The following MYO15B variants were observed in gnomAD, a reference collection of about 807,000 sequenced individuals.
The protein encoded by MYO15B is myosin XVB pseudogene.
Under a neutral mutation model 119.3 loss-of-function variants are expected in MYO15B, and 207 were observed. The observed-to-expected ratio is 1.73, with a 90% CI of 1.55 to 1.95. MYO15B has a LOEUF of 1.95. MYO15B is among the 30% of genes most tolerant of loss of function. MYO15B has a pLI of 0.00. For missense variants in MYO15B, 2,264 were observed against 1,203.1 expected, an observed-to-expected ratio of 1.88 and a Z score of -13.04; for synonymous variants, 966 against 498.9, an observed-to-expected ratio of 1.94 and a Z score of -12.48.
intron 53 of MYO15B, among the ~76,000 whole-genome samples, 159 bp from the exon 54 acceptor site, chr17:75,623,622 C>T (rs534505395): frequency 3.3e-5 from 5 of 152,282 alleles, no homozygotes; most frequent in African/African-American, 9.6e-5. Flanking sequence ...ACGGGAGCAG[C>T]GAAGAAAGTA....
At chr17:75,603,723 C>T (rs55663255) in intron 19 of MYO15B, among the ~76,000 whole-genome samples, 9,010 of 38,746 alleles carry the variant, frequency 0.23, 271 homozygotes, top group African/African-American at 0.27. Flanking sequence ...GCAGGAGGGG[C>T]GGGGAGGGGC....
intron 12 of MYO15B, among the ~76,000 whole-genome samples, chr17:75,595,242 A>C (rs900926197): frequency 6.6e-6 from 1 of 151,946 alleles, no homozygotes. Flanking sequence ...TCTCGCTTCC[A>C]CTCACCTCCA....
chr17:75,602,295 G>C, intron 15 of MYO15B: 1 of 671,632 alleles, frequency 1.5e-6, no homozygotes, highest in Non-Finnish European at 2.7e-6. Flanking sequence ...AAGCCCCAGT[G>C]GGGAGAGTGT....
chr17:75,625,241 G>A lies in MYO15B; in HGVS notation c.8804+3G>A. The stretch of plus-strand genomic sequence containing the variant: ...GCCAACAGGAATACCCCCTCAGGGT[G>A]AGTGGAGGCACCTCCCGCCCCTAAG... On this transcript the variant is annotated splice_donor_region_variant and intron_variant, in intron 60 of 63. Transcript: ENST00000645453. 1.4e-6 allele frequency: 1 copy of A among 697,334 alleles called. No individual in the cohort carries two copies. Among genetic ancestry groups the A allele is most frequent in the South Asian group, 1.5e-5 (1 of 67,072 alleles). The allele number at this position is 697,334 out of a possible 1,614,324, so 43.2% of individuals were successfully genotyped here.
chr17:75,607,712 C>T (rs1172716642), intron 21 of MYO15B, among the ~76,000 whole-genome samples: 4 of 152,128 alleles, frequency 2.6e-5, no homozygotes, highest in South Asian at 4.1e-4. Context: ...CCACCCGCCT[C>T]AGCCTCTCAA....
At chr17:75,612,936 G>A (rs1183445949) in intron 26 of MYO15B, 38 bp from the exon 27 acceptor site, 2 of 691,654 alleles carry the variant, frequency 2.9e-6, no homozygotes, top group Non-Finnish European at 5.3e-6. Flanking sequence ...GCGCCTGGGA[G>A]CCCCGCACGT....
chr17:75,589,821 G>T lies in MYO15B; in HGVS notation c.1764G>T (p.Gly588=). 1 of 398,564 alleles carries T rather than the reference G, an allele frequency of 2.5e-6. No individual in the cohort carries two copies. The highest frequency in any genetic ancestry group is 4.4e-6 in the Non-Finnish European group (1 of 225,982). 24.7% of individuals were successfully genotyped at this position (398,564 alleles called of 1,614,324 possible). ...CAGGGGTGGGGGGGCACAGTGAGGG[G>T]TGCAGGACGAGTGGGGAAGGGGTGT... Residue 588 remains glycine (G), a synonymous_variant, in exon 1 of 64, where the codon GGG becomes GGT. Transcript: ENST00000645453. The surrounding 1 kb of genome is among the most constrained non-coding windows in gnomAD (Gnocchi z 4.2).
At chr17:75,615,125 C>T (rs1311884661) in intron 33 of MYO15B, 83 bp downstream of exon 33, 9 of 678,294 alleles carry the variant, frequency 1.3e-5, no homozygotes, top group Middle Eastern at 2.4e-4. Flanking sequence ...CTGGCAGTGG[C>T]GATCGATGCC....
intron 47 of MYO15B, 23 bp downstream of exon 47, chr17:75,620,043 G>C (rs754059690): frequency 1.4e-6 from 1 of 691,836 alleles, no homozygotes; most frequent in African/African-American, 1.7e-5. Flanking sequence ...CACGGGTTGA[G>C]AGGCCGGGCA....
Position 75,616,544 on chromosome 17 carries a change from C to G in MYO15B, c.6265C>G (p.Pro2089Ala), listed in dbSNP as rs192928339. The change falls in exon 39 of 64, where the codon CCC becomes GCC. Residue 2089 changes from proline to alanine, a missense_variant. Physicochemically the swap from Pro to Ala is conservative, Grantham distance 27. Coordinates refer to ENST00000645453, the Ensembl canonical transcript of MYO15B. The stretch of plus-strand genomic sequence containing the variant: ...GTCAGTGCCGTCCCCTCCTCCTCCC[C>G]CCATCGTGAAGAAGCCATTGAAGCA... 1.8e-3 allele frequency: 1,280 copies of G among 702,804 alleles called. 17 individuals are homozygous for G. The East Asian group carries it at 0.025, about 14-fold the overall frequency. The allele number at this position is 702,804 out of a possible 1,614,324, so 43.5% of individuals were successfully genotyped here. A position where few individuals can be genotyped will look rare whatever the true frequency, so the allele number is the denominator to read the frequency against.
At chr17:75,617,117 G>A (rs550601951) in exon 41 of MYO15B, 44 of 677,068 alleles carry the variant, frequency 6.5e-5, no homozygotes, top group Admixed American at 2.1e-4. Context: ...AGGGCCCCCC[G>A]CCAGCTGTGG....
intron 23 of MYO15B, 114 bp downstream of exon 23, chr17:75,611,073 A>C (rs946393411): frequency 2.9e-6 from 2 of 685,842 alleles, no homozygotes; most frequent in Non-Finnish European, 5.4e-6. Flanking sequence ...AGGGCCATGC[A>C]TTGCACCTCC....
intron 1 of MYO15B, 76 bp from the exon 2 acceptor site, chr17:75,590,550 T>C: frequency 6.3e-6 from 2 of 316,784 alleles, no homozygotes; most frequent in Non-Finnish European, 1.1e-5. Flanking sequence ...CCAGGGTCCC[T>C]GCAGTGGGTG....
chr17:75,605,029 C>T (rs947570000), intron 19 of MYO15B, among the ~76,000 whole-genome samples: 3 of 151,742 alleles, frequency 2.0e-5, no homozygotes, highest in African/African-American at 4.8e-5. Flanking sequence ...CCCAGCTACT[C>T]GGGAGGCTGA....
At chr17:75,595,967 C>G (rs1186036196) in intron 12 of MYO15B, among the ~76,000 whole-genome samples, 1 of 152,200 alleles carries the variant, frequency 6.6e-6, no homozygotes, top group African/African-American at 2.4e-5. Context: ...CCGTGCCCTC[C>G]CTGAGGCTGG....
chr17:75,591,093 C>T (rs914325679), intron 3 of MYO15B, 77 bp downstream of exon 3: 5 of 696,798 alleles, frequency 7.2e-6, no homozygotes, highest in Admixed American at 6.0e-5. Context: ...TGACTGAGGT[C>T]CCGGGGCCTG....
exon 1 of MYO15B, chr17:75,588,011 G>A (rs1214579507): frequency 2.5e-6 from 1 of 398,286 alleles, no homozygotes; most frequent in African/African-American, 2.1e-5. Context: ...TCCCCGGGGA[G>A]GGGAAAGGAC....
At chr17:75,604,648 A>G (rs993214997) in intron 19 of MYO15B, among the ~76,000 whole-genome samples, 9 of 149,688 alleles carry the variant, frequency 6.0e-5, no homozygotes, top group Non-Finnish European at 1.2e-4. Flanking sequence ...CGTGGCCCAG[A>G]ACCAGCCCTC....
chr17:75,594,399 A>G (rs2056710744), intron 9 of MYO15B, 76 bp from the exon 10 acceptor site: 1 of 565,266 alleles, frequency 1.8e-6, no homozygotes, highest in Non-Finnish European at 3.1e-6. Flanking sequence ...TTACCAGGCA[A>G]AGCCCGGCCT....
Sources: gnomAD v4.1 joint callset for allele counts (sites outside exome capture counted in the v4.1 genomes callset) on GRCh38, gnomAD v4.1.1 for gene constraint, Gnocchi (gnomAD v3.1) non-coding constraint, MANE v1.5 for transcripts, NCBI Gene and HGNC (gene_info 2026-07-23, HGNC 2026-07-21) for gene names.